CD2AP: variants seen among roughly 807,000 people sequenced by gnomAD.
The protein encoded by CD2AP is CD2-associated protein.
Under a neutral mutation model 85.1 loss-of-function variants are expected in CD2AP, and 46 were observed. The observed-to-expected ratio is 0.54, with a 90% CI of 0.43 to 0.69. The LOEUF (loss-of-function observed/expected upper bound fraction) is 0.69, where lower values mean the gene tolerates loss of function less well. CD2AP is among the 30% of genes least tolerant of loss of function. CD2AP has a pLI of 0.00. For missense variants in CD2AP, 769 were observed against 729.5 expected, an observed-to-expected ratio of 1.05 and a Z score of -0.62; for synonymous variants, 255 against 252.9, an observed-to-expected ratio of 1.01 and a Z score of -0.08.
intron 13 of CD2AP, among the ~76,000 whole-genome samples, chr6:47,600,080 T>C (rs1209975650): frequency 6.6e-6 from 1 of 151,930 alleles, no homozygotes. Flanking sequence ...TACTTTCTGG[T>C]AATTGTTAAT....
At position 47,508,568 on chromosome 6, in the gene CD2AP, C is replaced by T. The variant is rs528314320; in HGVS notation, c.165+5128C>T. On this transcript the variant is annotated intron_variant, in intron 2 of 17. Transcript: ENST00000359314. ...TTTGTTTTTTTTTTTTTTTTTGGGA[C>T]GGAGTCTCGCTCTGTTGCCCAGGGT... Among the ~76,000 whole-genome samples the T allele has an allele frequency of 1.5e-4, 18 of 122,580 alleles. No individual in the cohort carries two copies. In the South Asian group the frequency reaches 1.5e-3, roughly 10 times the overall value. The allele number at this position is 122,580 out of a possible 152,430, so 80.4% of individuals were successfully genotyped here.
chr6:47,608,182 A>G (rs1769326842), intron 15 of CD2AP, among the ~76,000 whole-genome samples, 154 bp downstream of exon 15: 1 of 152,190 alleles, frequency 6.6e-6, no homozygotes, highest in African/African-American at 2.4e-5. Flanking sequence ...TAGCTTCATC[A>G]GACTATTTTC....
intron 8 of CD2AP, among the ~76,000 whole-genome samples, 165 bp downstream of exon 8, chr6:47,577,268 T>C (rs1371384015): frequency 1.3e-5 from 2 of 152,218 alleles, no homozygotes; most frequent in Non-Finnish European, 2.9e-5. Flanking sequence ...TAATAAGTGC[T>C]CAGAACGTTC....
At chr6:47,563,731 G>A (rs1289601311) in intron 5 of CD2AP, among the ~76,000 whole-genome samples, 1 of 151,944 alleles carries the variant, frequency 6.6e-6, no homozygotes, top group Non-Finnish European at 1.5e-5. Flanking sequence ...CATACTATAC[G>A]TGCTACAAAG....
intron 2 of CD2AP, among the ~76,000 whole-genome samples, chr6:47,515,404 A>G (rs762405446): frequency 6.6e-6 from 1 of 152,240 alleles, no homozygotes; most frequent in Non-Finnish European, 1.5e-5. Flanking sequence ...AAGGGGATAG[A>G]TAATAGGCTA....
intron 2 of CD2AP, among the ~76,000 whole-genome samples, chr6:47,504,230 C>T (rs1766069532): frequency 6.6e-6 from 1 of 152,262 alleles, no homozygotes; most frequent in African/African-American, 2.4e-5. Context: ...CATCCAGCTT[C>T]ATTCCCTGGC....
intron 2 of CD2AP, among the ~76,000 whole-genome samples, chr6:47,505,681 C>T (rs1766133761): frequency 1.2e-5 from 1 of 84,466 alleles, no homozygotes; most frequent in African/African-American, 3.9e-5. Flanking sequence ...GGGCTGACCC[C>T]CCCATCTCCC....
intron 4 of CD2AP, among the ~76,000 whole-genome samples, chr6:47,548,098 CAA>C (rs1767414079): frequency 1.3e-5 from 2 of 151,982 alleles, no homozygotes; most frequent in African/African-American, 4.8e-5. Context: ...ATGCCTACAT[CAA>C]AGACTGTGAA....
chr6:47,574,974 C>G (rs1582578623), intron 6 of CD2AP, among the ~76,000 whole-genome samples: 1 of 152,262 alleles, frequency 6.6e-6, no homozygotes, highest in East Asian at 1.9e-4. Context: ...ATTCGTGTAG[C>G]TACATCTCAT....
intron 1 of CD2AP, among the ~76,000 whole-genome samples, chr6:47,499,115 G>T (rs114193999): frequency 6.6e-6 from 1 of 151,984 alleles, no homozygotes; most frequent in Admixed American, 6.6e-5. Flanking sequence ...TTACTTTCTG[G>T]CACAACAAAA....
intron 5 of CD2AP, among the ~76,000 whole-genome samples, chr6:47,555,373 G>T (rs978139809): frequency 1.3e-5 from 2 of 151,974 alleles, no homozygotes; most frequent in East Asian, 1.9e-4. Context: ...TCCAAAAGAG[G>T]TCTTGAATTT....
chr6:47,615,809 A>ATTTG (rs1769567485), intron 17 of CD2AP, among the ~76,000 whole-genome samples: 1 of 148,310 alleles, frequency 6.7e-6, no homozygotes, highest in Non-Finnish European at 1.5e-5. Flanking sequence ...TTATTTATTT[A>ATTTG]TTTATTTATT....
At position 47,573,953 on chromosome 6, in the gene CD2AP, T is replaced by C. The variant is rs1768228702; in HGVS notation, c.542-111T>C. The C allele has an allele frequency of 1.7e-5, 16 of 966,498 alleles. No homozygotes were observed. In the South Asian group the frequency reaches 2.0e-4, roughly 12 times the overall value. The allele number at this position is 966,498 out of a possible 1,614,324, so 59.9% of individuals were successfully genotyped here. On this transcript the variant is annotated intron_variant, in intron 5 of 17. Coordinates refer to ENST00000359314, the MANE Select transcript of CD2AP (RefSeq NM_012120.3). ...TATTTCAGTACTGAATAGTTTAATT[T>C]TTTTTCTACTGTGTTTTATTAGAAG...
chr6:47,569,230 G>A (rs1768082697), intron 5 of CD2AP, among the ~76,000 whole-genome samples: 1 of 152,222 alleles, frequency 6.6e-6, no homozygotes, highest in South Asian at 2.1e-4. Flanking sequence ...AAGTAGGAGA[G>A]CAGTTGAAGA....
chr6:47,478,236 G>C lies in CD2AP; in HGVS notation c.-9G>C. The C allele has an allele frequency of 1.3e-6, 2 of 1,571,308 alleles. No homozygotes were observed. Among genetic ancestry groups the C allele is most frequent in the Middle Eastern group, 1.7e-4 (1 of 5,970 alleles). The stretch of plus-strand genomic sequence containing the variant: ...CGGACGTCGGCTTCTCCCCGCGGGA[G>C]CCCCCAGCATGGGTAAGAGACTCGG... On this transcript the variant is annotated 5_prime_UTR_variant, in exon 1 of 18. Coordinates refer to ENST00000359314, the MANE Select transcript of CD2AP (RefSeq NM_012120.3).
rs562433955 is a variant in CD2AP, at chr6:47,481,845, C to T, written c.4+3597C>T. Among the ~76,000 whole-genome samples the T allele has an allele frequency of 1.8e-4, 28 of 152,302 alleles. No homozygotes were observed. In the East Asian group the frequency reaches 4.6e-3, roughly 25 times the overall value. ...CCAGGTTGGAGTTCAGTGGCATGAT[C>T]ATAGCTCACTGCAGCCTCAAACTCT... On this transcript the variant is annotated intron_variant, in intron 1 of 17. Transcript: ENST00000359314.
In CD2AP at chr6:47,503,397, A is replaced by G; in HGVS notation, c.122A>G (p.Glu41Gly). Reference protein sequence around the residue: ...KLQEEGWLEGELNGRRGMFPD... With the variant: ...KLQEEGWLEGGLNGRRGMFPD... ...CAGGAGGAAGGGTGGCTGGAAGGAG[A>G]ACTAAATGGGAGAAGAGGAATGTTC... Residue 41 changes from glutamate (E) to glycine (G), a missense_variant, in exon 2 of 18, where the codon GAA becomes GGA. Transcript: ENST00000359314. 1.2e-6 allele frequency: 2 copies of G among 1,613,904 alleles called. No individual in the cohort carries two copies. The highest frequency in any genetic ancestry group is 1.7e-6 in the Non-Finnish European group (2 of 1,179,880).
intron 2 of CD2AP, among the ~76,000 whole-genome samples, chr6:47,525,872 T>A (rs548521628): frequency 4.6e-5 from 7 of 152,180 alleles, no homozygotes; most frequent in Non-Finnish European, 1.0e-4. Context: ...CATTACCTAT[T>A]GTGCAAGTGG....
At chr6:47,523,704 T>A (rs1766652342) in intron 2 of CD2AP, among the ~76,000 whole-genome samples, 1 of 152,274 alleles carries the variant, frequency 6.6e-6, no homozygotes, top group South Asian at 2.1e-4. Context: ...GTTGGAGAAA[T>A]ACTTTATACA....
Sources: allele counts gnomAD v4.1 joint callset (sites outside exome capture counted in the v4.1 genomes callset), GRCh38; gene constraint gnomAD v4.1.1; transcripts MANE v1.5; gene names NCBI Gene and HGNC (gene_info 2026-07-23, HGNC 2026-07-21).